OSBPL3: variants seen among roughly 807,000 people sequenced by gnomAD.
The protein encoded by OSBPL3 is oxysterol binding protein like 3.
A neutral mutation model predicts 120.1 loss-of-function variants in OSBPL3; 65 were observed. The observed-to-expected ratio is 0.54, with a 90% CI of 0.44 to 0.67. The LOEUF is 0.67. OSBPL3 is among the 30% of genes least tolerant of loss of function. The pLI is 0.00. For missense variants in OSBPL3, 1,004 were observed against 1,082.1 expected, an observed-to-expected ratio of 0.93 and a Z score of 1.01; for synonymous variants, 416 against 402.6, an observed-to-expected ratio of 1.03 and a Z score of -0.40.
At position 24,947,819 on chromosome 7, in the gene OSBPL3, A is replaced by G. The variant is rs1423211878; in HGVS notation, c.-150+32067T>C. Among the ~76,000 whole-genome samples the G allele has an allele frequency of 6.6e-6, 1 of 150,554 alleles. No homozygotes were observed. Among genetic ancestry groups the G allele is most frequent in the Non-Finnish European group, 1.5e-5 (1 of 67,936 alleles). On this transcript the variant is annotated intron_variant, in intron 1 of 22. Transcript: ENST00000313367. The surrounding 1 kb of genome is among the most constrained non-coding windows in gnomAD (Gnocchi z 4.4). The stretch of plus-strand genomic sequence containing the variant: ...ACACACACACACACACTCATTGCAT[A>G]CTACCCATGTGCCAGATTCTGTGAT...
In OSBPL3 at chr7:24,808,038, C is replaced by T. The variant is rs1038655008; in HGVS notation, c.2318-1136G>A. 1.3e-5 allele frequency among the ~76,000 whole-genome samples: 2 copies of T among 152,148 alleles called. No homozygotes were observed. Among genetic ancestry groups the T allele is most frequent in the Admixed American group, 1.3e-4 (2 of 15,266 alleles). ...TCACCCTCCTGAGTAGCTGGGACTA[C>T]AGTAGATGCACACCACCATGCCTGG... On this transcript the variant is annotated intron_variant, in intron 20 of 22. Transcript: ENST00000313367. The surrounding 1 kb of genome is among the most constrained non-coding windows in gnomAD (Gnocchi z 4.6).
intron 1 of OSBPL3, among the ~76,000 whole-genome samples, chr7:24,909,047 A>G (rs1480161214): frequency 6.6e-6 from 1 of 152,158 alleles, no homozygotes; most frequent in Non-Finnish European, 1.5e-5. Flanking sequence ...CAAGTTCTCT[A>G]CTTTTCTACC....
rs374820791 is a variant in OSBPL3 at position 24,861,662 on chromosome 7, T to C, written c.978A>G (p.Ser326=). The part of the protein sequence containing the change: ...EKNYSDGSET[S]SEFSKMQEDL... ...CTTCTTGCATTTTAGAAAACTCTGA[T>C]GAGGTTTCAGAGCCATCAGAATAAT... Residue 326 remains serine (S), a synonymous_variant, in exon 10 of 23, where the codon TCA becomes TCG. Coordinates refer to ENST00000313367, the MANE Select transcript of OSBPL3 (RefSeq NM_015550.4). The C allele has an allele frequency of 6.2e-7, 1 of 1,609,466 alleles. No individual in the cohort carries two copies. Among genetic ancestry groups the C allele is most frequent in the Non-Finnish European group, 8.5e-7 (1 of 1,177,458 alleles).
chr7:24,979,176 G>A (rs1285913815), intron 1 of OSBPL3, among the ~76,000 whole-genome samples: 2 of 152,106 alleles, frequency 1.3e-5, no homozygotes, highest in East Asian at 1.9e-4. Context: ...AAGTCCCTAA[G>A]ACCCTGAACT....
At position 24,898,525 on chromosome 7, in the gene OSBPL3, G is replaced by A. The variant is rs926942133; in HGVS notation, c.-149-5904C>T. ...CTCAAATGCTTACTCTGGCACAATA[G>A]AGTATCCATTTCTATTCCCTGCTCC... On this transcript the variant is annotated intron_variant, in intron 1 of 22. Transcript: ENST00000313367. The surrounding 1 kb of genome is among the most constrained non-coding windows in gnomAD (Gnocchi z 4.3). Among the ~76,000 whole-genome samples, 70 of 152,250 alleles carry A rather than the reference G, an allele frequency of 4.6e-4. No homozygotes were observed. Among genetic ancestry groups the A allele is most frequent in the African/African-American group, 1.4e-3 (60 of 41,540 alleles).
chr7:24,925,725 C>T (rs1044310396), intron 1 of OSBPL3, among the ~76,000 whole-genome samples: 2 of 152,136 alleles, frequency 1.3e-5, no homozygotes, highest in Non-Finnish European at 2.9e-5. Flanking sequence ...GAATTGTATA[C>T]AAGAGAAAAC....
At chr7:24,816,035 A>G (rs1438762805) in intron 18 of OSBPL3, among the ~76,000 whole-genome samples, 2 of 152,080 alleles carry the variant, frequency 1.3e-5, no homozygotes, top group African/African-American at 2.4e-5. Context: ...CTTTTTTTAA[A>G]AAAATTGAGA....
chr7:24,851,274 C>T lies in OSBPL3; in HGVS notation c.1158+1230G>A, dbSNP rs985877281. Among the ~76,000 whole-genome samples, 2 of 152,112 alleles carry T rather than the reference C, an allele frequency of 1.3e-5. No homozygotes were observed. The highest frequency in any genetic ancestry group is 2.4e-5 in the African/African-American group (1 of 41,420). On this transcript the variant is annotated intron_variant, in intron 11 of 22. Coordinates refer to ENST00000313367, the MANE Select transcript of OSBPL3 (RefSeq NM_015550.4). This position sits in a 1 kb window ranked among gnomAD's most constrained non-coding sequence, Gnocchi z 4.1. ...GCTGTCTTGTACAATAAAAAGGGGG[C>T]GATTCTATCTGTGACCTTAAGACAA...
intron 1 of OSBPL3, among the ~76,000 whole-genome samples, chr7:24,910,630 CA>C (rs2128416123): frequency 6.6e-6 from 1 of 152,276 alleles, no homozygotes; most frequent in East Asian, 1.9e-4. Context: ...AGGAGGAAAC[CA>C]CTGTGATCAA....
chr7:24,863,276 C>G lies in OSBPL3; in HGVS notation c.794G>C (p.Ser265Thr). The G allele has an allele frequency of 2.5e-6, 4 of 1,613,902 alleles. No individual in the cohort carries two copies. Among genetic ancestry groups the G allele is most frequent in the Non-Finnish European group, 3.4e-6 (4 of 1,179,774 alleles). Residue 265 changes from serine (S) to threonine (T), a missense_variant, in exon 9 of 23, where the codon AGT (serine) becomes ACT (threonine). Coordinates refer to ENST00000313367, the MANE Select transcript of OSBPL3 (RefSeq NM_015550.4). The surrounding 1 kb of genome is among the most constrained non-coding windows in gnomAD (Gnocchi z 5.8). ...INAIQGGSFE[S>T]PKKEKRSHRR... ...GTGCGATCTTTTTTCCTTTTTGGGA[C>G]TTTCAAAAGATCCACCCTTTGTTTC...
chr7:24,853,402 G>A (rs892045297), intron 10 of OSBPL3, among the ~76,000 whole-genome samples: 4 of 152,194 alleles, frequency 2.6e-5, no homozygotes, highest in Admixed American at 6.5e-5. Context: ...GACAACCCCA[G>A]AATGAGAAAC....
rs185044992 is a variant in OSBPL3, at chr7:24,900,788, C to A, written c.-149-8167G>T. On this transcript the variant is annotated intron_variant, in intron 1 of 22. Transcript: ENST00000313367. The surrounding 1 kb of genome is among the most constrained non-coding windows in gnomAD (Gnocchi z 4.5). ...TTCAAGACCAGCCTGGGCAACAAGGCGAAACCCCCATCTTTACAAAAAATA... is the reference window on the plus strand; with the variant it reads ...TTCAAGACCAGCCTGGGCAACAAGGAGAAACCCCCATCTTTACAAAAAATA... 6.6e-6 allele frequency among the ~76,000 whole-genome samples: 1 copy of A among 151,948 alleles called. No homozygotes were observed. The highest frequency in any genetic ancestry group is 2.4e-5 in the African/African-American group (1 of 41,328).
Position 24,802,029 on chromosome 7 carries a change from G to C in OSBPL3, c.2568-1750C>G, listed in dbSNP as rs1355440120. On this transcript the variant is annotated intron_variant, in intron 22 of 22. Coordinates refer to ENST00000313367, the MANE Select transcript of OSBPL3 (RefSeq NM_015550.4). The surrounding 1 kb of genome is among the most constrained non-coding windows in gnomAD (Gnocchi z 4.1). Reference sequence around the variant, plus strand: ...AGCATGGCTGGGTCAAAGAGTATGTGCATTTGTGATTCTGACTGATATTAC... The same window carrying C: ...AGCATGGCTGGGTCAAAGAGTATGTCCATTTGTGATTCTGACTGATATTAC... Among the ~76,000 whole-genome samples the C allele has an allele frequency of 6.6e-6, 1 of 152,220 alleles. No homozygotes were observed. Among genetic ancestry groups the C allele is most frequent in the Non-Finnish European group, 1.5e-5 (1 of 68,036 alleles).
intron 22 of OSBPL3, 54 bp from the exon 23 acceptor site, chr7:24,800,333 C>G (rs1401001564): frequency 2.9e-6 from 3 of 1,039,604 alleles, no homozygotes; most frequent in African/African-American, 3.2e-5. Context: ...GTCACATTCT[C>G]AAGTCTCTTT....
At chr7:24,963,270 C>G (rs1459172181) in intron 1 of OSBPL3, among the ~76,000 whole-genome samples, 1 of 152,168 alleles carries the variant, frequency 6.6e-6, no homozygotes, top group Non-Finnish European at 1.5e-5. Context: ...TGGAAAGGAA[C>G]AGAAACCAAA....
chr7:24,801,852 T>C (rs1432994868), intron 22 of OSBPL3, among the ~76,000 whole-genome samples: 2 of 152,252 alleles, frequency 1.3e-5, no homozygotes, highest in South Asian at 2.1e-4. Context: ...CATTTTCTTT[T>C]TATACAGTTG....
Position 24,955,816 on chromosome 7 carries a change from T to C in OSBPL3, c.-150+24070A>G, listed in dbSNP as rs756037268. Reference sequence around the variant, plus strand: ...AGGGGGCTTGACGCATTAGTAGGCATTCAATAAATATCTACAGAATGAATG... The same window carrying C: ...AGGGGGCTTGACGCATTAGTAGGCACTCAATAAATATCTACAGAATGAATG... On this transcript the variant is annotated intron_variant, in intron 1 of 22. Transcript: ENST00000313367. The surrounding 1 kb of genome is among the most constrained non-coding windows in gnomAD (Gnocchi z 4.3). 6.6e-6 allele frequency among the ~76,000 whole-genome samples: 1 copy of C among 152,206 alleles called. No homozygotes were observed. Among genetic ancestry groups the C allele is most frequent in the Non-Finnish European group, 1.5e-5 (1 of 68,028 alleles).
At chr7:24,958,115 A>G (rs1815290889) in intron 1 of OSBPL3, among the ~76,000 whole-genome samples, 1 of 152,188 alleles carries the variant, frequency 6.6e-6, no homozygotes, top group African/African-American at 2.4e-5. Context: ...GTCAAAAAGT[A>G]TGCACGTTTT....
intron 1 of OSBPL3, among the ~76,000 whole-genome samples, chr7:24,910,787 G>A (rs930890677): frequency 8.5e-5 from 13 of 152,214 alleles, no homozygotes; most frequent in East Asian, 1.9e-4. Flanking sequence ...GCAGGGAGCC[G>A]TGAAGATGTG....
Sources: gnomAD v4.1 joint callset for allele counts (sites outside exome capture counted in the v4.1 genomes callset) on GRCh38, gnomAD v4.1.1 for gene constraint, Gnocchi (gnomAD v3.1) non-coding constraint, MANE v1.5 for transcripts, NCBI Gene and HGNC (gene_info 2026-07-23, HGNC 2026-07-21) for gene names.